PPP1R26: variants seen among roughly 807,000 people sequenced by gnomAD.
PPP1R26 encodes the protein 1A6/DRIM (down-regulated in metastasis) interacting protein.
A neutral mutation model predicts 67.6 loss-of-function variants in PPP1R26; 22 were observed. The observed-to-expected ratio is 0.33, with a 90% CI of 0.23 to 0.46. PPP1R26 has a LOEUF of 0.46. Ranked by LOEUF, PPP1R26 falls within the 20% of genes least tolerant of loss-of-function variation. PPP1R26 has a pLI of 1.00. For missense variants in PPP1R26, 1,602 were observed against 1,651.4 expected, an observed-to-expected ratio of 0.97 and a Z score of 0.52; for synonymous variants, 729 against 717.2, an observed-to-expected ratio of 1.02 and a Z score of -0.26.
At chr9:135,482,983 C>CTTTTTTTTTTTTTTTTTTTT (rs1360229729) in intron 2 of PPP1R26, among the ~76,000 whole-genome samples, 168 bp downstream of exon 2, 8 of 125,752 alleles carry the variant, frequency 6.4e-5, no homozygotes, top group African/African-American at 1.5e-4. Flanking sequence ...CTTTTTCTTT[C>CTTTTTTTTTTTTTTTTTTTT]TTTCTTTTTT....
Position 135,486,180 on chromosome 9 carries a change from G to C in PPP1R26, c.1670G>C (p.Ser557Thr). ...QSGSLLARGE[S>T]CPQAAQGPLL... The stretch of plus-strand genomic sequence containing the variant: ...GGGAGTTTGCTGGCCAGAGGTGAGA[G>C]CTGCCCGCAGGCTGCCCAGGGTCCA... The change falls in exon 4 of 4, where the codon AGC becomes ACC. Residue 557 changes from serine (S) to threonine (T), a missense_variant. Transcript: ENST00000356818. This position sits in a 1 kb window ranked among gnomAD's most constrained non-coding sequence, Gnocchi z 6.2. 6.2e-7 allele frequency: 1 copy of C among 1,613,022 alleles called. No individual in the cohort carries two copies. Among genetic ancestry groups the C allele is most frequent in the Non-Finnish European group, 8.5e-7 (1 of 1,180,036 alleles).
Position 135,485,250 on chromosome 9 carries a change from G to A in PPP1R26, c.740G>A (p.Gly247Glu), listed in dbSNP as rs1830670668. 1 of 1,612,894 alleles carries A rather than the reference G, an allele frequency of 6.2e-7. No individual in the cohort carries two copies. The highest frequency in any genetic ancestry group is 2.2e-5 in the East Asian group (1 of 44,880). The change falls in exon 4 of 4, where the codon GGG (glycine) becomes GAG (glutamate). Residue 247 changes from glycine to glutamate, a missense_variant. Coordinates refer to ENST00000356818, the MANE Select transcript of PPP1R26 (RefSeq NM_014811.5). This position sits in a 1 kb window ranked among gnomAD's most constrained non-coding sequence, Gnocchi z 7.2. ...CAGCATGAGACCCAAAAATGTGATG[G>A]GTCAGTGGAGAAGAAACCAGACACA... ...KRQHETQKCD[G>E]SVEKKPDTNE...
rs1339685765 is a variant in PPP1R26, at chr9:135,486,448, C to T, written c.1938C>T (p.Ala646=). 3.1e-6 allele frequency: 5 copies of T among 1,613,090 alleles called. No homozygotes were observed. The highest frequency in any genetic ancestry group is 3.3e-5 in the Admixed American group (2 of 59,970). ...CCATCCAGGGCAAAGCCAGTGAGGC[C>T]CTGGGAGGGGAGGGCACCGCCAGGG... is the stretch of plus-strand genomic sequence containing the variant. ...DLPIQGKASE[A]LGGEGTARGP... The change falls in exon 4 of 4, where the codon GCC becomes GCT. Residue 646 remains alanine, a synonymous_variant. Coordinates refer to ENST00000356818, the MANE Select transcript of PPP1R26 (RefSeq NM_014811.5). This position sits in a 1 kb window ranked among gnomAD's most constrained non-coding sequence, Gnocchi z 6.2.
chr9:135,485,118 G>T lies in PPP1R26; in HGVS notation c.608G>T (p.Gly203Val). ...GGTGGTGGCCCCGGCAGCCAGGTGG[G>T]ATCCAGCAAGGACCAGGGCTCCGCC... ...GSGGGPGSQV[G>V]SSKDQGSASP... The change falls in exon 4 of 4, where the codon GGA becomes GTA. Residue 203 changes from glycine (G) to valine (V), a missense_variant. Coordinates refer to ENST00000356818, the MANE Select transcript of PPP1R26 (RefSeq NM_014811.5). The surrounding 1 kb of genome is among the most constrained non-coding windows in gnomAD (Gnocchi z 7.2). 1 of 1,612,852 alleles carries T rather than the reference G, an allele frequency of 6.2e-7. No individual in the cohort carries two copies. Among genetic ancestry groups the T allele is most frequent in the South Asian group, 1.1e-5 (1 of 91,070 alleles).
Position 135,487,361 on chromosome 9 carries a change from C to T in PPP1R26, c.2851C>T (p.Leu951Phe). 1.3e-6 allele frequency: 2 copies of T among 1,557,898 alleles called. No homozygotes were observed. Among genetic ancestry groups the T allele is most frequent in the Non-Finnish European group, 8.7e-7 (1 of 1,153,086 alleles). Residue 951 changes from leucine to phenylalanine, a missense_variant, in exon 4 of 4, where the codon CTC (leucine) becomes TTC (phenylalanine). Leu to Phe is a conservative substitution (Grantham distance 22). Around this residue, in one of 5 missense-constraint regions of PPP1R26, gnomAD observed 740 missense variants for 696.3 expected, o/e 1.06. Coordinates refer to ENST00000356818, the MANE Select transcript of PPP1R26 (RefSeq NM_014811.5). ...CAGCGGCGGTGTCTCCGCCAAGGGG[C>T]TCTCAGTGAGCAGGAGAAATGTTTA... is the stretch of plus-strand genomic sequence containing the variant. The part of the protein sequence containing the change: ...STSGGVSAKG[L>F]SVSRRNVYVH...
upstream of PPP1R26, among the ~76,000 whole-genome samples, chr9:135,479,303 C>G (rs891758439): frequency 7.2e-5 from 11 of 151,766 alleles, no homozygotes; most frequent in African/African-American, 2.7e-4. The surrounding 1 kb of genome is among the most constrained non-coding windows in gnomAD (Gnocchi z 5.9). Context: ...GCGGGCCGGT[C>G]TCAGCCCGGA....
chr9:135,482,987 C>CTTTTTTTTTTT (rs57608324), intron 2 of PPP1R26, among the ~76,000 whole-genome samples, 172 bp downstream of exon 2: 9 of 112,060 alleles, frequency 8.0e-5, no homozygotes, highest in Non-Finnish European at 8.6e-5. Flanking sequence ...TTCTTTCTTT[C>CTTTTTTTTTTT]TTTTTTTTTT....
Position 135,484,778 on chromosome 9 carries a change from C to T in PPP1R26, c.268C>T (p.His90Tyr). The T allele has an allele frequency of 4.3e-6, 7 of 1,611,294 alleles. No individual in the cohort carries two copies. The highest frequency in any genetic ancestry group is 5.9e-6 in the Non-Finnish European group (7 of 1,179,676). Residue 90 changes from histidine to tyrosine, a missense_variant, in exon 4 of 4, where the codon CAC (histidine) becomes TAC (tyrosine). Coordinates refer to ENST00000356818, the MANE Select transcript of PPP1R26 (RefSeq NM_014811.5). ...DARPAAKPTV[H>Y]KEPPALAVCG... The stretch of plus-strand genomic sequence containing the variant: ...CAGGCCGGCTGCCAAGCCCACCGTG[C>T]ACAAGGAGCCACCCGCGTTGGCTGT...
Position 135,487,839 on chromosome 9 carries a change from C to G in PPP1R26, c.3329C>G (p.Pro1110Arg). The change falls in exon 4 of 4, where the codon CCT becomes CGT. Residue 1110 changes from proline (P) to arginine (R), a missense_variant. By Grantham distance (103) the Pro-to-Arg change is moderately radical. Around this residue, in one of 5 missense-constraint regions of PPP1R26, gnomAD observed 740 missense variants for 696.3 expected, o/e 1.06. Transcript: ENST00000356818. ...AGLFSPHLGLPLQGPSFSAFR... is the reference protein window; with the variant it reads ...AGLFSPHLGLRLQGPSFSAFR... ...CTCTTCAGCCCCCACCTGGGGCTGC[C>G]TCTGCAGGGCCCCTCCTTCTCGGCC... 1 of 1,594,284 alleles carries G rather than the reference C, an allele frequency of 6.3e-7. No individual in the cohort carries two copies. The highest frequency in any genetic ancestry group is 8.5e-7 in the Non-Finnish European group (1 of 1,172,434).
At chr9:135,480,165 C>G (rs1485417885) in intron 1 of PPP1R26, 143 bp downstream of exon 1, 1 of 150,714 alleles carries the variant, frequency 6.6e-6, no homozygotes, top group South Asian at 1.9e-4. Flanking sequence ...GGCAGGCGGA[C>G]GGGGATCGGC....
chr9:135,486,742 CAG>C lies in PPP1R26; in HGVS notation c.2233_2234del (p.Arg745GlyfsTer81), dbSNP rs771326254. ...LGGLRRDWKD[R>X]GPPVLKSCLS... is the part of the protein sequence containing the mutation. ...GCGGGCTCCGGAGAGACTGGAAAGACAGGGGCCCGCCAGTGCTGAAGAGCTGC... is the reference window on the plus strand; with the variant it reads ...GCGGGCTCCGGAGAGACTGGAAAGACGGGCCCGCCAGTGCTGAAGAGCTGC... On this transcript the variant is annotated frameshift_variant, in exon 4 of 4. Coordinates refer to ENST00000356818, the MANE Select transcript of PPP1R26 (RefSeq NM_014811.5). LOFTEE classifies it high-confidence loss of function. This position sits in a 1 kb window ranked among gnomAD's most constrained non-coding sequence, Gnocchi z 6.2. 7.7e-6 allele frequency: 12 copies of C among 1,567,702 alleles called. No individual in the cohort carries two copies. The highest frequency in any genetic ancestry group is 2.4e-5 in the East Asian group (1 of 42,224).
Position 135,486,769 on chromosome 9 carries a change from C to T in PPP1R26, c.2259C>T (p.Cys753=), listed in dbSNP as rs1455355884. The change falls in exon 4 of 4, where the codon TGC becomes TGT. Residue 753 remains cysteine (C), a synonymous_variant. Transcript: ENST00000356818. This position sits in a 1 kb window ranked among gnomAD's most constrained non-coding sequence, Gnocchi z 6.2. Reference sequence around the variant, plus strand: ...GGGGCCCGCCAGTGCTGAAGAGCTGCCTCTCCAAGTCCAAGAGAGACAGTG... The same window carrying T: ...GGGGCCCGCCAGTGCTGAAGAGCTGTCTCTCCAAGTCCAAGAGAGACAGTG... ...KDRGPPVLKS[C]LSKSKRDSGE... 2 of 1,583,746 alleles carry T rather than the reference C, an allele frequency of 1.3e-6. No individual in the cohort carries two copies. The highest frequency in any genetic ancestry group is 8.6e-7 in the Non-Finnish European group (1 of 1,165,636).
At position 135,488,253 on chromosome 9, in the gene PPP1R26, C is replaced by A; in HGVS notation, c.*113C>A. 7.3e-7 allele frequency: 1 copy of A among 1,366,826 alleles called. No homozygotes were observed. The highest frequency in any genetic ancestry group is 2.3e-5 in the South Asian group (1 of 44,026). 84.7% of individuals were successfully genotyped at this position (1,366,826 alleles called of 1,614,324 possible). ...CAAGGAAGGGAAACAGTCTATTATA[C>A]ATAGCCCTGTATATATGTACACCAA... On this transcript the variant is annotated 3_prime_UTR_variant, in exon 4 of 4. Coordinates refer to ENST00000356818, the MANE Select transcript of PPP1R26 (RefSeq NM_014811.5).
In PPP1R26 at chr9:135,479,924, C is replaced by T. The variant is rs1184804115; in HGVS notation, c.-427C>T. The T allele has an allele frequency of 6.9e-6, 1 of 144,982 alleles. No homozygotes were observed. Among genetic ancestry groups the T allele is most frequent in the Non-Finnish European group, 1.5e-5 (1 of 65,288 alleles). 9.0% of individuals were successfully genotyped at this position (144,982 alleles called of 1,614,324 possible). A position where few individuals can be genotyped will look rare whatever the true frequency, so the allele number is the denominator to read the frequency against. ...CGGCCGAGGGCGGAGCGCGCTGGCC[C>T]TGCAGCCTCCGGCCCGCCCCCGGCC... On this transcript the variant is annotated 5_prime_UTR_variant, in exon 1 of 4. Transcript: ENST00000356818. The surrounding 1 kb of genome is among the most constrained non-coding windows in gnomAD (Gnocchi z 5.9).
At chr9:135,481,750 C>G (rs1830528645) in intron 1 of PPP1R26, among the ~76,000 whole-genome samples, 1 of 151,922 alleles carries the variant, frequency 6.6e-6, no homozygotes, top group African/African-American at 2.4e-5. Context: ...TCCCCAGTAG[C>G]TGGGATTACG....
At chr9:135,479,383 G>A (rs1350208251), upstream of PPP1R26, among the ~76,000 whole-genome samples, 2 of 151,650 alleles carry the variant, frequency 1.3e-5, no homozygotes, top group Admixed American at 1.3e-4. This position sits in a 1 kb window ranked among gnomAD's most constrained non-coding sequence, Gnocchi z 5.9. Context: ...CCGCGGCTCC[G>A]AGCGCTTTCC....
rs375453673 is a variant in PPP1R26 at position 135,484,605 on chromosome 9, C to T, written c.95C>T (p.Ser32Leu). The T allele has an allele frequency of 1.9e-5, 31 of 1,612,370 alleles. No homozygotes were observed. Among genetic ancestry groups the T allele is most frequent in the Admixed American group, 3.3e-5 (2 of 60,004 alleles). Residue 32 changes from serine to leucine, a missense_variant, in exon 4 of 4, where the codon TCG becomes TTG. Around this residue, in one of 5 missense-constraint regions of PPP1R26, gnomAD observed 168 missense variants for 176.1 expected, o/e 0.95. Coordinates refer to ENST00000356818, the MANE Select transcript of PPP1R26 (RefSeq NM_014811.5). ...PGSCRFPRCF[S>L]EADEGVESAS... is the part of the protein sequence containing the mutation. The stretch of plus-strand genomic sequence containing the variant: ...AGCTGTAGGTTCCCCAGGTGCTTCT[C>T]GGAGGCTGACGAGGGCGTGGAGAGC...
Position 135,485,302 on chromosome 9 carries a change from G to T in PPP1R26, c.792G>T (p.Leu264Phe). The T allele has an allele frequency of 1.9e-6, 3 of 1,613,084 alleles. No homozygotes were observed. Among genetic ancestry groups the T allele is most frequent in the Non-Finnish European group, 2.5e-6 (3 of 1,180,022 alleles). ...ATGAAAATTCCGCCAAGTCACTCTT[G>T]AAATCCCACCAAGAGCCGCCTACAA... ...DTNENSAKSL[L>F]KSHQEPPTKV... The change falls in exon 4 of 4, where the codon TTG becomes TTT. Residue 264 changes from leucine to phenylalanine, a missense_variant. Physicochemically the swap from Leu to Phe is conservative, Grantham distance 22. Around this residue, in one of 5 missense-constraint regions of PPP1R26, gnomAD observed 680 missense variants for 726.1 expected, o/e 0.94. Coordinates refer to ENST00000356818, the MANE Select transcript of PPP1R26 (RefSeq NM_014811.5). This position sits in a 1 kb window ranked among gnomAD's most constrained non-coding sequence, Gnocchi z 7.2.
At position 135,485,214 on chromosome 9, in the gene PPP1R26, A is replaced by G. The variant is rs761928593; in HGVS notation, c.704A>G (p.Asn235Ser). Residue 235 changes from asparagine to serine, a missense_variant, in exon 4 of 4, where the codon AAT becomes AGT. Transcript: ENST00000356818. This position sits in a 1 kb window ranked among gnomAD's most constrained non-coding sequence, Gnocchi z 7.2. ...SIRAEIEQFL[N>S]EKRQHETQKC... ...AGGGCGGAAATAGAACAGTTTCTGA[A>G]TGAGAAGAGACAGCATGAGACCCAA... 1 of 1,612,902 alleles carries G rather than the reference A, an allele frequency of 6.2e-7. No homozygotes were observed. The highest frequency in any genetic ancestry group is 8.5e-7 in the Non-Finnish European group (1 of 1,179,888).
Sources: gnomAD v4.1 joint callset for allele counts (sites outside exome capture counted in the v4.1 genomes callset) on GRCh38, gnomAD v4.1.1 for gene constraint, gnomAD v4.1.1 regional missense constraint, Gnocchi (gnomAD v3.1) non-coding constraint, MANE v1.5 for transcripts, NCBI Gene and HGNC (gene_info 2026-07-23, HGNC 2026-07-21) for gene names.